Variants in C6 observed in about 807,000 individuals in gnomAD.
C6 encodes complement component C6.
C6 carries 101 observed loss-of-function variants against 112.9 expected under a neutral mutation model. The observed-to-expected ratio is 0.89, with a 90% confidence interval of 0.76 to 1.06. The LOEUF (loss-of-function observed/expected upper bound fraction) is 1.06, where lower values mean the gene tolerates loss of function less well. Ranked by LOEUF, C6 falls within the 50% of genes least tolerant of loss-of-function variation. C6 has a pLI of 0.00. For synonymous variants in C6, 431 were observed against 384.1 expected (o/e 1.12, Z -1.43); for missense variants, 1,202 against 1,104.6 (o/e 1.09, Z -1.25).
intron 8 of C6, among the ~76,000 whole-genome samples, chr5:41,174,265 C>T (rs1441347220): frequency 6.6e-6 from 1 of 152,076 alleles, no homozygotes; most frequent in African/African-American, 2.4e-5. Flanking sequence ...GCTGCTGGAC[C>T]TCTATCTGTA....
At chr5:41,154,943 T>C (rs1384978797) in intron 14 of C6, 29 bp downstream of exon 14, 3 of 1,611,564 alleles carry the variant, frequency 1.9e-6, no homozygotes, top group African/African-American at 1.3e-5. Flanking sequence ...TGTAAAGTAG[T>C]CAAGCAAAAT....
intron 1 of C6, among the ~76,000 whole-genome samples, chr5:41,229,445 T>C (rs1361349345): frequency 6.6e-6 from 1 of 152,058 alleles, no homozygotes; most frequent in Non-Finnish European, 1.5e-5. Flanking sequence ...TGTCAGTTGT[T>C]CAGAACTGTG....
rs375930899 is a variant in C6 at position 41,253,632 on chromosome 5, C to T, written c.-21+7562G>A. On this transcript the variant is annotated intron_variant, in intron 1 of 17. Coordinates refer to the C6 transcript ENST00000263413. ...CTCTATAGAGTGTAGGGTCCAATGG[C>T]TGAAAAACCATTGTTTTATTTAGCT... Among the ~76,000 whole-genome samples, 11 of 152,200 alleles carry T rather than the reference C, an allele frequency of 7.2e-5. No homozygotes were observed. The East Asian group carries it at 1.7e-3, about 24-fold the overall frequency.
chr5:41,160,869 A>T (rs566213388), intron 10 of C6, among the ~76,000 whole-genome samples: 3 of 152,156 alleles, frequency 2.0e-5, no homozygotes, highest in African/African-American at 7.2e-5. Context: ...TGCCAGTAGG[A>T]TGAATGGAAG....
chr5:41,158,768 T>G lies in C6; in HGVS notation c.1874A>C (p.Asn625Thr). The G allele has an allele frequency of 6.3e-7, 1 of 1,582,872 alleles. No homozygotes were observed. Among genetic ancestry groups the G allele is most frequent in the Non-Finnish European group, 8.7e-7 (1 of 1,151,806 alleles). Residue 625 changes from asparagine to threonine, a missense_variant, in exon 13 of 18, where the codon AAT becomes ACT. By Grantham distance (65) the Asn-to-Thr change is moderately conservative (BLOSUM62 0). Coordinates refer to ENST00000337836, the MANE Select transcript of C6 (RefSeq NM_000065.5). ...GACCTCTTTCATTTCTTCGTCATCA[T>G]TGATACATGGTTGTCCACTAAAAGG... ...IMENNGQPCI[N>T]DDEEMKEVDL... is the part of the protein sequence containing the mutation.
intron 5 of C6, among the ~76,000 whole-genome samples, chr5:41,190,428 G>A (rs751594724): frequency 1.3e-5 from 2 of 152,058 alleles, no homozygotes; most frequent in Non-Finnish European, 2.9e-5. Context: ...AAGTTCACTG[G>A]TGAACTTAAT....
intron 1 of C6, among the ~76,000 whole-genome samples, chr5:41,245,041 A>T (rs970703615): frequency 2.6e-5 from 4 of 152,020 alleles, no homozygotes; most frequent in Admixed American, 2.6e-4. Context: ...GTTTTGCTGA[A>T]TTCTATTTGT....
At chr5:41,164,934 C>T (rs1044473767) in intron 9 of C6, among the ~76,000 whole-genome samples, 2 of 152,140 alleles carry the variant, frequency 1.3e-5, no homozygotes, top group Admixed American at 1.3e-4. Context: ...ATAATCACTG[C>T]CCACGCCTGG....
At position 41,220,749 on chromosome 5, in the gene C6, G is replaced by T. The variant is rs75736839; in HGVS notation, c.-20-17499C>A. Among the ~76,000 whole-genome samples the T allele has an allele frequency of 2.2e-3, 328 of 151,976 alleles. 6 individuals are homozygous for T. The East Asian group carries it at 0.047, about 22-fold the overall frequency. On this transcript the variant is annotated intron_variant, in intron 1 of 17. Coordinates refer to the C6 transcript ENST00000263413. ...TCAACTTTTATTTTAGATACAGGAGGTACACATGTATATTGTGTAATATTG... is the reference window on the plus strand; with the variant it reads ...TCAACTTTTATTTTAGATACAGGAGTTACACATGTATATTGTGTAATATTG...
intron 1 of C6, among the ~76,000 whole-genome samples, chr5:41,206,005 C>T (rs1751408888): frequency 6.6e-6 from 1 of 152,154 alleles, no homozygotes; most frequent in South Asian, 2.1e-4. Flanking sequence ...GCTGGGTGCC[C>T]CTCTGAGACG....
chr5:41,155,745 A>G (rs1199481773), intron 13 of C6, among the ~76,000 whole-genome samples: 2 of 151,900 alleles, frequency 1.3e-5, no homozygotes, highest in Non-Finnish European at 1.5e-5. Flanking sequence ...AAAACCAAAA[A>G]ACAAACAAAC....
intron 1 of C6, among the ~76,000 whole-genome samples, chr5:41,208,805 G>A (rs887481857): frequency 6.6e-6 from 1 of 152,010 alleles, no homozygotes; most frequent in African/African-American, 2.4e-5. Context: ...AGGAGGAGCT[G>A]GTACCATTCC....
At chr5:41,151,440 G>T (rs1746382602) in intron 15 of C6, among the ~76,000 whole-genome samples, 1 of 152,148 alleles carries the variant, frequency 6.6e-6, no homozygotes, top group South Asian at 2.1e-4. Flanking sequence ...ATTAGAAAAT[G>T]CTTAGTTTTA....
rs143012574 is a variant in C6, at chr5:41,218,612, A to G, written c.-20-15362T>C. ...TGTCCAGCCCGATCTCACAAAATTT[A>G]ATCCTGTAGGACCCACTGAGCTGGT... On this transcript the variant is annotated intron_variant, in intron 1 of 17. Coordinates refer to the C6 transcript ENST00000263413. 4.1e-4 allele frequency among the ~76,000 whole-genome samples: 62 copies of G among 152,256 alleles called. 1 individual carries two copies. The East Asian group carries it at 0.011, about 28-fold the overall frequency.
intron 1 of C6, among the ~76,000 whole-genome samples, chr5:41,249,271 T>C (rs564052555): frequency 1.3e-5 from 2 of 152,226 alleles, no homozygotes; most frequent in East Asian, 3.9e-4. Context: ...GCACATGCTT[T>C]CCCTGAATCT....
Position 41,142,752 on chromosome 5 carries a change from A to G in C6, c.*73T>C. 4 of 1,192,014 alleles carry G rather than the reference A, an allele frequency of 3.4e-6. No individual in the cohort carries two copies. Among genetic ancestry groups the G allele is most frequent in the Admixed American group, 1.7e-5 (1 of 59,046 alleles). 73.8% of individuals were successfully genotyped at this position (1,192,014 alleles called of 1,614,324 possible). A position where few individuals can be genotyped will look rare whatever the true frequency, so the allele number is the denominator to read the frequency against. On this transcript the variant is annotated 3_prime_UTR_variant, in exon 18 of 18. Coordinates refer to ENST00000337836, the MANE Select transcript of C6 (RefSeq NM_000065.5). ...CATGCCAGTCTGCTGTTTGTGCAAG[A>G]ATTCTCATTTGTAGGAGTTGGTTCT... is the stretch of plus-strand genomic sequence containing the variant.
At position 41,230,890 on chromosome 5, in the gene C6, T is replaced by C. The variant is rs151242512; in HGVS notation, c.-20-27640A>G. On this transcript the variant is annotated intron_variant, in intron 1 of 17. Coordinates refer to the C6 transcript ENST00000263413. ...ATAGAAAAGAACCTACATTGAAATA[T>C]TGGGGGCTGGTTCCCCTAATATTCT... 3.7e-3 allele frequency among the ~76,000 whole-genome samples: 557 copies of C among 152,300 alleles called. 3 individuals are homozygous for C. The highest frequency in any genetic ancestry group is 0.013 in the African/African-American group (540 of 41,584).
intron 4 of C6, among the ~76,000 whole-genome samples, chr5:41,199,084 G>A (rs1225687163): frequency 1.3e-5 from 2 of 152,162 alleles, no homozygotes; most frequent in African/African-American, 4.8e-5. Flanking sequence ...CAAAGCTGAG[G>A]GCAGGATGCA....
In C6 at chr5:41,181,589, T is replaced by G. The variant is rs758038278; in HGVS notation, c.727-30A>C. The G allele has an allele frequency of 1.9e-6, 3 of 1,562,980 alleles. No homozygotes were observed. The South Asian group carries it at 3.4e-5, about 18-fold the overall frequency. ...AGAAAAATCCATGTAAAATAAAATA[T>G]AATTTAGGAAATACTGGAGCGACTT... On this transcript the variant is annotated intron_variant, in intron 6 of 17. Transcript: ENST00000337836.
Sources: allele counts gnomAD v4.1 joint callset (sites outside exome capture counted in the v4.1 genomes callset), GRCh38; gene constraint gnomAD v4.1.1; transcripts MANE v1.5; gene names NCBI Gene and HGNC (gene_info 2026-07-23, HGNC 2026-07-21).